The following CBL variants were observed in gnomAD, a reference collection of about 807,000 sequenced individuals.
CBL encodes the protein E3 ubiquitin-protein ligase CBL.
CBL carries 45 observed loss-of-function variants against 96.9 expected under a neutral mutation model. The observed-to-expected ratio is 0.46, with a 90% CI of 0.37 to 0.60. The LOEUF (loss-of-function observed/expected upper bound fraction) is 0.60. Among genes scored for constraint, CBL ranks in the 20% least tolerant of loss-of-function variants. CBL has a pLI of 0.00. For missense variants in CBL, 1,024 were observed against 1,143.5 expected (o/e 0.90, Z 1.51); for synonymous variants, 420 against 426.8 (o/e 0.98, Z 0.20).
chr11:119,271,338 G>A (rs1023976435), intron 2 of CBL, among the ~76,000 whole-genome samples: 2 of 152,120 alleles, frequency 1.3e-5, no homozygotes, highest in Non-Finnish European at 2.9e-5. Flanking sequence ...ATTAATTCAA[G>A]ATTAAAAGCT....
At chr11:119,234,559 T>C (rs1040783986) in intron 2 of CBL, among the ~76,000 whole-genome samples, 1 of 152,230 alleles carries the variant, frequency 6.6e-6, no homozygotes, top group African/African-American at 2.4e-5. Flanking sequence ...AACTAGGTTC[T>C]GGTTCTAGGA....
At chr11:119,228,771 ACAC>A (rs1374761199) in intron 1 of CBL, among the ~76,000 whole-genome samples, 1 of 149,852 alleles carries the variant, frequency 6.7e-6, no homozygotes, top group African/African-American at 2.5e-5. Context: ...ACTTACACCC[ACAC>A]CACCACCACT....
chr11:119,230,813 A>G (rs1045303880), intron 1 of CBL, among the ~76,000 whole-genome samples: 7 of 152,252 alleles, frequency 4.6e-5, no homozygotes, highest in Non-Finnish European at 1.0e-4. Context: ...AGAAAAGTCC[A>G]TGTAAATAGA....
intron 1 of CBL, among the ~76,000 whole-genome samples, chr11:119,209,286 T>G (rs1949298543): frequency 6.6e-6 from 1 of 152,202 alleles, no homozygotes; most frequent in South Asian, 2.1e-4. Context: ...GAACCTACTG[T>G]CAAATCCACA....
intron 8 of CBL, 101 bp from the exon 9 acceptor site, chr11:119,278,409 A>T: frequency 6.5e-7 from 1 of 1,546,940 alleles, no homozygotes; most frequent in Non-Finnish European, 8.9e-7. Flanking sequence ...TTAGGTTTAA[A>T]CTTTTACTTT....
At chr11:119,277,350 C>G (rs915072971) in intron 6 of CBL, among the ~76,000 whole-genome samples, 1 of 151,726 alleles carries the variant, frequency 6.6e-6, no homozygotes, top group Non-Finnish European at 1.5e-5. Flanking sequence ...CCTGTTTGTT[C>G]CCCCGGGGAG....
chr11:119,248,051 C>T (rs1335704116), intron 2 of CBL, among the ~76,000 whole-genome samples: 3 of 151,998 alleles, frequency 2.0e-5, no homozygotes, highest in Non-Finnish European at 4.4e-5. Flanking sequence ...TGCAGTATTC[C>T]CCATGTTGAT....
At position 119,238,598 on chromosome 11, in the gene CBL, G is replaced by A. The variant is rs532814292; in HGVS notation, c.443+5903G>A. 2.0e-3 allele frequency among the ~76,000 whole-genome samples: 297 copies of A among 152,236 alleles called. 1 individual carries two copies. In the Middle Eastern group the frequency reaches 0.024, roughly 12 times the overall value. On this transcript the variant is annotated intron_variant, in intron 2 of 15. Coordinates refer to ENST00000264033, the MANE Select transcript of CBL (RefSeq NM_005188.4). ...TAATGCCAGCACTTTGGGAGGCCAA[G>A]GTAGGTGGATCACCTGAGATCAGGA...
chr11:119,265,232 C>G (rs535029153), intron 2 of CBL, among the ~76,000 whole-genome samples: 32 of 152,162 alleles, frequency 2.1e-4, no homozygotes, highest in Non-Finnish European at 2.9e-4. Context: ...TTTTAAATAC[C>G]ATATAAACTT....
chr11:119,286,697 A>G (rs949383266), intron 11 of CBL, among the ~76,000 whole-genome samples: 2 of 152,160 alleles, frequency 1.3e-5, no homozygotes, highest in African/African-American at 2.4e-5. Context: ...TAGGAAATGA[A>G]GAGCATTTGA....
intron 2 of CBL, among the ~76,000 whole-genome samples, chr11:119,236,601 A>ATG (rs2135269090): frequency 1.2e-5 from 1 of 85,460 alleles, no homozygotes; most frequent in African/African-American, 4.8e-5. Flanking sequence ...TTGAGTATAT[A>ATG]TATATATATA....
chr11:119,278,857 T>C lies in CBL; in HGVS notation c.1431+144T>C, dbSNP rs1949910898. 5.4e-6 allele frequency: 4 copies of C among 737,492 alleles called. No individual in the cohort carries two copies. The Admixed American group carries it at 6.0e-5, about 11-fold the overall frequency. The allele number at this position is 737,492 out of a possible 1,614,324, so 45.7% of individuals were successfully genotyped here. ...AGCATTTACTATATGACAGATATTG[T>C]GTTAAGCACTTTACTTGTTTTTTAC... On this transcript the variant is annotated intron_variant, in intron 9 of 15. Coordinates refer to ENST00000264033, the MANE Select transcript of CBL (RefSeq NM_005188.4).
At chr11:119,253,765 A>G in intron 2 of CBL, among the ~76,000 whole-genome samples, 1 of 150,778 alleles carries the variant, frequency 6.6e-6, no homozygotes, top group East Asian at 2.0e-4. Flanking sequence ...TGAGTGTGGG[A>G]GGTTTAGGCT....
At chr11:119,298,248 G>T in intron 14 of CBL, 110 bp from the exon 15 acceptor site, 1 of 948,244 alleles carries the variant, frequency 1.1e-6, no homozygotes, top group South Asian at 1.3e-5. Flanking sequence ...AGTAACTGTT[G>T]AATGAGATAA....
intron 9 of CBL, among the ~76,000 whole-genome samples, chr11:119,280,440 A>G (rs1052786603): frequency 4.6e-5 from 7 of 152,182 alleles, no homozygotes; most frequent in African/African-American, 1.7e-4. Flanking sequence ...TTAGTTATTA[A>G]AGTTTATCCC....
intron 11 of CBL, among the ~76,000 whole-genome samples, chr11:119,287,391 T>C (rs936114412): frequency 1.1e-4 from 16 of 152,222 alleles, no homozygotes; most frequent in African/African-American, 3.9e-4. Flanking sequence ...AAGAGTGAAG[T>C]TGAGAAGTGT....
chr11:119,277,660 C>T (rs1454643344), intron 6 of CBL, 97 bp from the exon 7 acceptor site: 14 of 810,092 alleles, frequency 1.7e-5, no homozygotes, highest in Non-Finnish European at 2.8e-5. Flanking sequence ...CCACGTTGCC[C>T]TTTTAGAATG....
intron 1 of CBL, among the ~76,000 whole-genome samples, chr11:119,224,631 G>A (rs1949440701): frequency 1.3e-5 from 2 of 151,864 alleles, no homozygotes; most frequent in Admixed American, 1.3e-4. Flanking sequence ...TTGCTCTGTC[G>A]CCAGGCTGGA....
chr11:119,241,052 CAG>C (rs1297201827), intron 2 of CBL, among the ~76,000 whole-genome samples: 1 of 151,904 alleles, frequency 6.6e-6, no homozygotes, highest in East Asian at 1.9e-4. Context: ...GCCTGGGCGA[CAG>C]AGTTAGATTC....
Sources: gnomAD v4.1 joint callset for allele counts (sites outside exome capture counted in the v4.1 genomes callset) on GRCh38, gnomAD v4.1.1 for gene constraint, MANE v1.5 for transcripts, NCBI Gene and HGNC (gene_info 2026-07-23, HGNC 2026-07-21) for gene names.